Variants in KCNIP1 observed in about 807,000 individuals in gnomAD.
KCNIP1 encodes potassium voltage-gated channel interacting protein 1, also known as A-type potassium channel modulatory protein KCNIP1.
Under a neutral mutation model 33.0 loss-of-function variants are expected in KCNIP1, and 18 were observed. The observed-to-expected ratio is 0.55, with a 90% CI of 0.38 to 0.81. The LOEUF (loss-of-function observed/expected upper bound fraction) is 0.81, where lower values mean the gene tolerates loss of function less well. Among genes scored for constraint, KCNIP1 ranks in the 30% least tolerant of loss-of-function variants. KCNIP1 has a pLI of 0.00. For missense variants in KCNIP1, 238 were observed against 271.6 expected (o/e 0.88, Z 0.87); for synonymous variants, 93 against 98.3 (o/e 0.95, Z 0.32).
chr5:170,687,218 G>A (rs187452520), intron 1 of KCNIP1, among the ~76,000 whole-genome samples: 12 of 148,896 alleles, frequency 8.1e-5, no homozygotes, highest in African/African-American at 2.5e-4. Context: ...GTCTTGCTCT[G>A]TTGCCCAGGC....
chr5:170,704,097 T>C (rs1763182483), intron 1 of KCNIP1, among the ~76,000 whole-genome samples: 1 of 136,734 alleles, frequency 7.3e-6, no homozygotes, highest in African/African-American at 2.7e-5. Context: ...ACTTACGCCA[T>C]GTTTTAAGGG....
At chr5:170,555,278 T>C (rs2113435722) in intron 1 of KCNIP1, among the ~76,000 whole-genome samples, 1 of 152,142 alleles carries the variant, frequency 6.6e-6, no homozygotes, top group East Asian at 1.9e-4. Flanking sequence ...ACATGGGAAA[T>C]AGCTTCCAAG....
chr5:170,538,624 C>T lies in KCNIP1; in HGVS notation c.61+33991C>T, dbSNP rs115642242. Among the ~76,000 whole-genome samples the T allele has an allele frequency of 7.7e-3, 1,169 of 151,904 alleles. 17 individuals carry two copies. The highest frequency in any genetic ancestry group is 0.026 in the African/African-American group (1,074 of 41,452). On this transcript the variant is annotated intron_variant, in intron 1 of 7. Coordinates refer to ENST00000328939, the MANE Select transcript of KCNIP1 (RefSeq NM_014592.4). ...CTTATTCCAGACTCCTCCCTTGCAC[C>T]AGCTGTGTCCTTGGCCTGGGGATGC...
At chr5:170,460,546 C>A (rs905726253) in intron 1 of KCNIP1, among the ~76,000 whole-genome samples, 1 of 152,134 alleles carries the variant, frequency 6.6e-6, no homozygotes, top group Admixed American at 6.6e-5. Flanking sequence ...TATGCAAAGT[C>A]AATAAATGTG....
At chr5:170,569,143 G>A (rs1412811406) in intron 1 of KCNIP1, among the ~76,000 whole-genome samples, 1 of 152,222 alleles carries the variant, frequency 6.6e-6, no homozygotes, top group Non-Finnish European at 1.5e-5. Flanking sequence ...GGGTCCTGGG[G>A]TGATCTCAGA....
intron 1 of KCNIP1, among the ~76,000 whole-genome samples, chr5:170,552,733 C>T (rs1756695102): frequency 2.0e-5 from 3 of 152,180 alleles, no homozygotes; most frequent in African/African-American, 2.4e-5. Flanking sequence ...ATCCTGAGTG[C>T]AACTGGAGGC....
chr5:170,693,258 G>GACAC (rs56150495), intron 1 of KCNIP1, among the ~76,000 whole-genome samples: 1 of 151,740 alleles, frequency 6.6e-6, no homozygotes. Flanking sequence ...CCATCCCCCC[G>GACAC]ACACACACAC....
intron 1 of KCNIP1, among the ~76,000 whole-genome samples, chr5:170,453,784 A>C (rs1415685207): frequency 1.3e-5 from 2 of 152,238 alleles, no homozygotes; most frequent in African/African-American, 2.4e-5. Context: ...CCACGTGGCA[A>C]GGAGCTGTGG....
chr5:170,546,987 T>G (rs754956472), intron 1 of KCNIP1, among the ~76,000 whole-genome samples: 5 of 152,314 alleles, frequency 3.3e-5, no homozygotes, highest in Middle Eastern at 3.4e-3. Flanking sequence ...CATAAAAAAT[T>G]TGTTTGCTCT....
intron 1 of KCNIP1, among the ~76,000 whole-genome samples, chr5:170,511,641 G>GCA (rs757164613): frequency 2.6e-5 from 4 of 152,224 alleles, no homozygotes; most frequent in Non-Finnish European, 4.4e-5. Flanking sequence ...CCAGTGCCAG[G>GCA]CACCTTGCTC....
chr5:170,648,444 A>G (rs930467650), intron 1 of KCNIP1, among the ~76,000 whole-genome samples: 2 of 152,236 alleles, frequency 1.3e-5, no homozygotes, highest in African/African-American at 4.8e-5. Context: ...AATATTACTC[A>G]AGACTAAAAA....
chr5:170,574,919 G>GGTTTGTT (rs1757545398), intron 1 of KCNIP1, among the ~76,000 whole-genome samples: 1 of 152,174 alleles, frequency 6.6e-6, no homozygotes, highest in Non-Finnish European at 1.5e-5. Context: ...GCTCTGCCAG[G>GGTTTGTT]GTTTGTTGTT....
At chr5:170,417,936 C>T (rs1755374240) in intron 1 of KCNIP1, among the ~76,000 whole-genome samples, 1 of 152,212 alleles carries the variant, frequency 6.6e-6, no homozygotes, top group African/African-American at 2.4e-5. Flanking sequence ...GGCAACCACA[C>T]AGCTTATAAG....
intron 3 of KCNIP1, 41 bp downstream of exon 3, chr5:170,720,431 C>T: frequency 6.8e-7 from 1 of 1,475,812 alleles, no homozygotes; most frequent in Non-Finnish European, 9.5e-7. Context: ...AGCTCCCTCT[C>T]TGGTAAGCAG....
chr5:170,707,964 A>C (rs1763316021), intron 1 of KCNIP1, among the ~76,000 whole-genome samples: 1 of 152,170 alleles, frequency 6.6e-6, no homozygotes, highest in Non-Finnish European at 1.5e-5. Flanking sequence ...GACTGAAAAA[A>C]ATACGTGGAA....
chr5:170,500,891 T>C (rs2113223006), upstream of KCNIP1, among the ~76,000 whole-genome samples: 1 of 152,358 alleles, frequency 6.6e-6, no homozygotes, highest in East Asian at 1.9e-4. Flanking sequence ...AATCTTCACT[T>C]GGCAGAGCAT....
At chr5:170,638,901 G>T (rs535154993) in intron 1 of KCNIP1, among the ~76,000 whole-genome samples, 6 of 152,346 alleles carry the variant, frequency 3.9e-5, no homozygotes, top group South Asian at 2.1e-4. Flanking sequence ...GGCAGCAGCA[G>T]CCTGGGGAAG....
intron 1 of KCNIP1, among the ~76,000 whole-genome samples, chr5:170,556,046 A>G (rs556224459): frequency 6.6e-6 from 1 of 152,336 alleles, no homozygotes; most frequent in South Asian, 2.1e-4. Context: ...AATGACAATC[A>G]CAACAACTCA....
At chr5:170,621,041 A>AG (rs1242492729) in intron 1 of KCNIP1, among the ~76,000 whole-genome samples, 2 of 152,280 alleles carry the variant, frequency 1.3e-5, no homozygotes, top group East Asian at 1.9e-4. Flanking sequence ...AAAGCAAGAT[A>AG]GGCCCCAGAA....
Sources: gnomAD v4.1 joint callset for allele counts (sites outside exome capture counted in the v4.1 genomes callset) on GRCh38, gnomAD v4.1.1 for gene constraint, MANE v1.5 for transcripts, NCBI Gene and HGNC (gene_info 2026-07-23, HGNC 2026-07-21) for gene names.